GRID2: variants seen among roughly 807,000 people sequenced by gnomAD.
GRID2 encodes the protein glutamate receptor ionotropic, delta-2.
A neutral mutation model predicts 114.8 loss-of-function variants in GRID2; 33 were observed. The observed-to-expected ratio is 0.29, with a 90% CI of 0.22 to 0.38. GRID2 has a LOEUF of 0.38. Among genes scored for constraint, GRID2 ranks in the 10% least tolerant of loss-of-function variants. The pLI, the probability that GRID2 is intolerant of heterozygous loss-of-function variation, is 1.00. For missense variants in GRID2, 1,184 were observed against 1,257.7 expected (o/e 0.94, Z 0.89); for synonymous variants, 505 against 449.9 (o/e 1.12, Z -1.55).
At chr4:92,411,624 C>CGTGTGTGTGTGTGT (rs1731305671) in intron 1 of GRID2, among the ~76,000 whole-genome samples, 6 of 90,904 alleles carry the variant, frequency 6.6e-5, no homozygotes, top group African/African-American at 3.1e-4. Flanking sequence ...GATATATATG[C>CGTGTGTGTGTGTGT]ATGTGTGTGT....
At chr4:93,217,533 T>C (rs1744373986) in intron 6 of GRID2, among the ~76,000 whole-genome samples, 1 of 152,084 alleles carries the variant, frequency 6.6e-6, no homozygotes, top group Admixed American at 6.6e-5. Flanking sequence ...AGCCTATTTC[T>C]TTTTCTTAAG....
intron 2 of GRID2, among the ~76,000 whole-genome samples, chr4:92,609,299 C>T (rs1453589616): frequency 6.6e-6 from 1 of 151,392 alleles, no homozygotes; most frequent in Non-Finnish European, 1.5e-5. Context: ...AAATATTTAT[C>T]GAGTGTCTAT....
At chr4:93,324,135 A>G (rs1757560275) in intron 8 of GRID2, among the ~76,000 whole-genome samples, 1 of 152,156 alleles carries the variant, frequency 6.6e-6, no homozygotes, top group Non-Finnish European at 1.5e-5. Context: ...CAGTTTTCAA[A>G]GAGAGTGCTT....
chr4:93,095,019 A>G (rs1731080843), intron 3 of GRID2, among the ~76,000 whole-genome samples: 1 of 152,070 alleles, frequency 6.6e-6, no homozygotes, highest in Non-Finnish European at 1.5e-5. Context: ...GTAAGAAAAT[A>G]AAAATAAATG....
At chr4:93,114,486 A>G (rs1487169131) in intron 4 of GRID2, among the ~76,000 whole-genome samples, 1 of 151,996 alleles carries the variant, frequency 6.6e-6, no homozygotes, top group East Asian at 1.9e-4. Flanking sequence ...TAAGTAACTT[A>G]TCTTTTATAA....
chr4:92,502,705 CTTTTTTTTT>C (rs70940901), intron 1 of GRID2, among the ~76,000 whole-genome samples: 1,158 of 63,972 alleles, frequency 0.018, 20 homozygotes, highest in African/African-American at 0.065. Flanking sequence ...CATGTGATTT[CTTTTTTTTT>C]TTTTTTTTTT....
chr4:93,386,107 G>T (rs10012783), intron 8 of GRID2, among the ~76,000 whole-genome samples: 1 of 151,902 alleles, frequency 6.6e-6, no homozygotes, highest in Non-Finnish European at 1.5e-5. Flanking sequence ...AGAAGTGAGC[G>T]CTCAAAACTA....
intron 2 of GRID2, among the ~76,000 whole-genome samples, chr4:92,948,824 A>G (rs1751829634): frequency 6.6e-6 from 1 of 152,046 alleles, no homozygotes; most frequent in African/African-American, 2.4e-5. Flanking sequence ...AATGAAATCT[A>G]CAGCATTTAA....
chr4:93,492,435 A>G (rs1313625258), intron 12 of GRID2, among the ~76,000 whole-genome samples: 2 of 151,866 alleles, frequency 1.3e-5, no homozygotes, highest in Non-Finnish European at 2.9e-5. Flanking sequence ...TAACTGCATC[A>G]TGTTAGTTCC....
chr4:93,740,555 C>A (rs1343407274), intron 14 of GRID2, among the ~76,000 whole-genome samples: 1 of 152,144 alleles, frequency 6.6e-6, no homozygotes. Flanking sequence ...AAGTGCTAAC[C>A]AGGCTGCTGG....
chr4:92,583,010 G>C (rs1292065985), intron 1 of GRID2, among the ~76,000 whole-genome samples: 1 of 151,684 alleles, frequency 6.6e-6, no homozygotes, highest in African/African-American at 2.4e-5. Context: ...TATTATGAAA[G>C]TAAAAATATA....
intron 14 of GRID2, among the ~76,000 whole-genome samples, chr4:93,676,970 C>T (rs1038889497): frequency 3.9e-5 from 6 of 152,066 alleles, no homozygotes; most frequent in South Asian, 4.1e-4. Flanking sequence ...CGAAGCAGGA[C>T]GAGGCATTGC....
At chr4:92,554,220 G>A (rs369755250) in intron 1 of GRID2, among the ~76,000 whole-genome samples, 13 of 152,208 alleles carry the variant, frequency 8.5e-5, no homozygotes, top group African/African-American at 4.8e-5. Flanking sequence ...CTTTATATAC[G>A]TATACACATG....
chr4:93,267,920 T>G (rs1253731831), intron 8 of GRID2, among the ~76,000 whole-genome samples: 1 of 152,116 alleles, frequency 6.6e-6, no homozygotes, highest in African/African-American at 2.4e-5. Flanking sequence ...TCCTGCTCCG[T>G]CTCTCTGCTA....
chr4:92,313,130 A>G (rs1024155762), intron 1 of GRID2, among the ~76,000 whole-genome samples: 14 of 149,588 alleles, frequency 9.4e-5, no homozygotes, highest in African/African-American at 3.5e-4. Flanking sequence ...TGTATATGAG[A>G]TGGAATACTA....
intron 2 of GRID2, among the ~76,000 whole-genome samples, chr4:92,945,899 C>G (rs1030544633): frequency 2.6e-5 from 4 of 152,066 alleles, no homozygotes; most frequent in African/African-American, 9.7e-5. Flanking sequence ...TAACTTCAGT[C>G]CTCTTCATAA....
At chr4:92,531,068 C>T (rs1309659219) in intron 1 of GRID2, among the ~76,000 whole-genome samples, 2 of 151,950 alleles carry the variant, frequency 1.3e-5, no homozygotes, top group African/African-American at 4.8e-5. Flanking sequence ...TGAAAAATCA[C>T]AATGCCTTGG....
At chr4:92,917,470 C>T (rs979264889) in intron 2 of GRID2, among the ~76,000 whole-genome samples, 7 of 152,076 alleles carry the variant, frequency 4.6e-5, no homozygotes, top group Non-Finnish European at 8.8e-5. Flanking sequence ...CATAGGTTTT[C>T]GTCTAGGGTT....
intron 2 of GRID2, among the ~76,000 whole-genome samples, chr4:92,830,859 T>A (rs140983499): frequency 2.0e-5 from 3 of 152,192 alleles, no homozygotes; most frequent in Non-Finnish European, 4.4e-5. Flanking sequence ...GGTATTGCAA[T>A]AATTCATTGT....
Sources: allele counts gnomAD v4.1 joint callset (sites outside exome capture counted in the v4.1 genomes callset), GRCh38; gene constraint gnomAD v4.1.1; transcripts MANE v1.5; gene names NCBI Gene and HGNC (gene_info 2026-07-23, HGNC 2026-07-21).